The following SLC24A2 variants were observed in gnomAD, a reference collection of about 807,000 sequenced individuals.
SLC24A2 encodes solute carrier family 24 member 2.
In SLC24A2, 36 loss-of-function variants were observed where a neutral mutation model predicts 62.0. The ratio of observed to expected loss-of-function variants is 0.58; its 90% CI spans 0.44 to 0.77. The LOEUF (loss-of-function observed/expected upper bound fraction) is 0.77. Among genes scored for constraint, SLC24A2 ranks in the 30% least tolerant of loss-of-function variants. The pLI is 0.00. For missense variants in SLC24A2, 846 were observed against 817.9 expected (o/e 1.03, Z -0.42); for synonymous variants, 358 against 294.0 (o/e 1.22, Z -2.23).
the SLC24A2 span, among the ~76,000 whole-genome samples, chr9:20,269,455 G>A: frequency 1.8e-4 from 28 of 152,032 alleles, no homozygotes; most frequent in African/African-American, 6.8e-4. Context: ...TCATTTCTCT[G>A]TTCTCAGCAA....
rs1314238581 is a variant in SLC24A2, at chr9:19,508,799, A to AT, written c.*7353_*7354insA. On this transcript the variant is annotated 3_prime_UTR_variant, in exon 11 of 11. Transcript: ENST00000341998. ...ACAGAGCAAGACCCTGTCTGTTAAA[A>AT]AAAAAATTATATAAAAATTTGTGAT... 1 of 151,868 alleles carries AT rather than the reference A, an allele frequency of 6.6e-6. No individual in the cohort carries two copies. The highest frequency in any genetic ancestry group is 2.4e-5 in the African/African-American group (1 of 41,288). The allele number at this position is 151,868 out of a possible 1,614,324, so 9.4% of individuals were successfully genotyped here.
At chr9:19,562,194 A>G (rs1410503414) in intron 7 of SLC24A2, among the ~76,000 whole-genome samples, 6 of 152,208 alleles carry the variant, frequency 3.9e-5, no homozygotes, top group Admixed American at 3.3e-4. Flanking sequence ...TGCTGATAAA[A>G]TCCATAAGTG....
the SLC24A2 span, among the ~76,000 whole-genome samples, chr9:20,092,243 A>T: frequency 3.9e-5 from 6 of 152,218 alleles, no homozygotes; most frequent in African/African-American, 1.4e-4. Flanking sequence ...CTAAAATAAA[A>T]GTTTAAAGAA....
chr9:20,012,464 G>A, the SLC24A2 span, among the ~76,000 whole-genome samples: 1 of 152,112 alleles, frequency 6.6e-6, no homozygotes, highest in African/African-American at 2.4e-5. Flanking sequence ...ATGAAATGTG[G>A]GTGGGGACAC....
chr9:19,878,241 A>G, the SLC24A2 span, among the ~76,000 whole-genome samples: 1 of 152,180 alleles, frequency 6.6e-6, no homozygotes, highest in African/African-American at 2.4e-5. Context: ...AAACAGCTCC[A>G]TAACACCTGG....
At chr9:20,136,737 A>C in the SLC24A2 span, among the ~76,000 whole-genome samples, 2 of 152,190 alleles carry the variant, frequency 1.3e-5, no homozygotes, top group Non-Finnish European at 2.9e-5. Context: ...GCAATGATTC[A>C]GAAAAGTAGT....
At chr9:19,518,629 C>A (rs2132628946) in intron 10 of SLC24A2, among the ~76,000 whole-genome samples, 1 of 152,102 alleles carries the variant, frequency 6.6e-6, no homozygotes, top group South Asian at 2.1e-4. Flanking sequence ...ACCATCTGGG[C>A]CAGGATGGTC....
At chr9:20,162,254 G>A in the SLC24A2 span, among the ~76,000 whole-genome samples, 3 of 149,526 alleles carry the variant, frequency 2.0e-5, no homozygotes, top group South Asian at 6.4e-4. Context: ...AAACAAAATA[G>A]GCTTCATCTA....
At chr9:19,560,910 TATATATAG>T (rs1446251323) in intron 7 of SLC24A2, among the ~76,000 whole-genome samples, 731 of 56,074 alleles carry the variant, frequency 0.013, 6 homozygotes, top group African/African-American at 0.045. Context: ...TATATATATA[TATATATAG>T]AGAGAGAGAG....
intron 10 of SLC24A2, among the ~76,000 whole-genome samples, chr9:19,517,910 AACACACACACACACACACACACACACAC>A (rs56840950): frequency 1.2e-3 from 157 of 131,720 alleles, no homozygotes; most frequent in African/African-American, 4.2e-3. Context: ...TTCTTATTAA[AACACACACACACACACACACACACACAC>A]ACACACACAC....
the SLC24A2 span, among the ~76,000 whole-genome samples, chr9:20,174,723 G>A: frequency 6.6e-6 from 1 of 151,990 alleles, no homozygotes; most frequent in African/African-American, 2.4e-5. Context: ...TGGATGCTGT[G>A]AACAGGGAAC....
intron 4 of SLC24A2, among the ~76,000 whole-genome samples, chr9:19,618,130 A>C (rs574324707): frequency 7.9e-5 from 12 of 152,236 alleles, no homozygotes; most frequent in Non-Finnish European, 1.6e-4. Context: ...ATAACTATTA[A>C]TATTACTATA....
intron 5 of SLC24A2, among the ~76,000 whole-genome samples, chr9:19,582,886 T>C (rs1243939996): frequency 6.6e-6 from 1 of 152,022 alleles, no homozygotes; most frequent in Non-Finnish European, 1.5e-5. Flanking sequence ...TGACCACTTT[T>C]TCCTTCCACC....
chr9:19,999,415 C>A, the SLC24A2 span, among the ~76,000 whole-genome samples: 37,785 of 152,124 alleles, frequency 0.25, 5,381 homozygotes, highest in East Asian at 0.4. Flanking sequence ...CAAATGGTAC[C>A]TTTTCTAGAA....
At chr9:20,273,793 CA>C in the SLC24A2 span, among the ~76,000 whole-genome samples, 6 of 152,154 alleles carry the variant, frequency 3.9e-5, no homozygotes, top group African/African-American at 1.4e-4. Context: ...ACCTTACCCC[CA>C]TCTGTTCAAT....
intron 2 of SLC24A2, among the ~76,000 whole-genome samples, chr9:19,661,362 T>C (rs1351093220): frequency 1.3e-5 from 2 of 152,180 alleles, no homozygotes; most frequent in Admixed American, 1.3e-4. Context: ...TAAATATCAT[T>C]GACATCTCTG....
the SLC24A2 span, among the ~76,000 whole-genome samples, chr9:20,049,562 G>A: frequency 1.3e-5 from 2 of 152,078 alleles, no homozygotes; most frequent in South Asian, 4.1e-4. Flanking sequence ...CATTGTTTCA[G>A]TCATGGTCAA....
chr9:19,905,994 A>C, the SLC24A2 span, among the ~76,000 whole-genome samples: 3 of 152,190 alleles, frequency 2.0e-5, no homozygotes, highest in African/African-American at 7.2e-5. Context: ...ACATCTACAG[A>C]ACTCTCCACC....
chr9:19,614,137 T>C (rs1817703438), intron 4 of SLC24A2, among the ~76,000 whole-genome samples: 2 of 152,176 alleles, frequency 1.3e-5, no homozygotes, highest in African/African-American at 4.8e-5. Context: ...CCTGAGCAAA[T>C]ATAAAGGCTT....
Sources: gnomAD v4.1 joint callset for allele counts (sites outside exome capture counted in the v4.1 genomes callset) on GRCh38, gnomAD v4.1.1 for gene constraint, MANE v1.5 for transcripts, NCBI Gene and HGNC (gene_info 2026-07-23, HGNC 2026-07-21) for gene names.